FAM204A: variants seen among roughly 807,000 people sequenced by gnomAD.
FAM204A encodes the protein family with sequence similarity 204 member A, also known as protein FAM204A.
Under a neutral mutation model 35.4 loss-of-function variants are expected in FAM204A, and 16 were observed. The observed-to-expected ratio is 0.45, with a 90% confidence interval of 0.31 to 0.69. The LOEUF (loss-of-function observed/expected upper bound fraction) is 0.69. Ranked by LOEUF, FAM204A falls within the 30% of genes least tolerant of loss-of-function variation. The pLI is 0.07. For synonymous variants in FAM204A, 76 were observed against 86.9 expected (o/e 0.88, Z 0.70); for missense variants, 240 against 265.7 (o/e 0.90, Z 0.67).
rs1845769093 is a variant in FAM204A, at chr10:118,298,136, T to TGA, written c.*12719_*12720dup. On this transcript the variant is annotated 3_prime_UTR_variant, in exon 9 of 9. Transcript: ENST00000369183. ...CCTTTATCTTAAATGTGTGTGGGAG[T>TGA]GAGAGAGCTAACGTTACGTGTGGCT... The TGA allele has an allele frequency of 6.6e-6, 1 of 152,034 alleles. No individual in the cohort carries two copies. Among genetic ancestry groups the TGA allele is most frequent in the Non-Finnish European group, 1.5e-5 (1 of 68,040 alleles). 9.4% of individuals were successfully genotyped at this position (152,034 alleles called of 1,614,324 possible).
chr10:118,336,273 T>C lies in FAM204A; in HGVS notation c.143A>G (p.Asp48Gly). Reference sequence around the variant, plus strand: ...AGTTTTTGGTTCATCTGTTGAGAAATCTATGATTTCTGTTTTTCTGATGCT... The same window carrying C: ...AGTTTTTGGTTCATCTGTTGAGAAACCTATGATTTCTGTTTTTCTGATGCT... ...DESIRKTEII[D>G]FSTDEPKTET... Residue 48 changes from aspartate (D) to glycine (G), a missense_variant, in exon 3 of 9, where the codon GAT (aspartate) becomes GGT (glycine). Physicochemically the swap from Asp to Gly is moderately conservative, Grantham distance 94. This residue lies in a region of FAM204A where 232 missense variants were observed against 242.8 expected (regional missense o/e 0.96). Coordinates refer to ENST00000369183, the MANE Select transcript of FAM204A (RefSeq NM_022063.3). The C allele has an allele frequency of 6.2e-7, 1 of 1,614,002 alleles. No individual in the cohort carries two copies. Among genetic ancestry groups the C allele is most frequent in the African/African-American group, 1.3e-5 (1 of 75,034 alleles).
rs746007757 is a variant in FAM204A at position 118,335,576 on chromosome 10, T to A, written c.300A>T (p.Lys100Asn). The A allele has an allele frequency of 1.9e-6, 3 of 1,611,838 alleles. No individual in the cohort carries two copies. Among genetic ancestry groups the A allele is most frequent in the Non-Finnish European group, 1.7e-6 (2 of 1,179,466 alleles). Residue 100 changes from lysine (K) to asparagine (N), a missense_variant, in exon 4 of 9, where the codon AAA (lysine) becomes AAT (asparagine). Physicochemically the swap from Lys to Asn is moderately conservative, Grantham distance 94. Coordinates refer to ENST00000369183, the MANE Select transcript of FAM204A (RefSeq NM_022063.3). ...QKSTTSRFRG[K>N]RRKRSRKDKL... Reference sequence around the variant, plus strand: ...CACCTTTTCTGGAGCGTTTTCTTCTTTTCCCTCTGAATCTTGAGGTTGTGC... The same window carrying A: ...CACCTTTTCTGGAGCGTTTTCTTCTATTCCCTCTGAATCTTGAGGTTGTGC...
intron 7 of FAM204A, among the ~76,000 whole-genome samples, chr10:118,313,522 C>G (rs1475276162): frequency 6.6e-6 from 1 of 152,168 alleles, no homozygotes; most frequent in Non-Finnish European, 1.5e-5. Flanking sequence ...ACCTAATAAA[C>G]TCTCTTCTGC....
intron 6 of FAM204A, among the ~76,000 whole-genome samples, chr10:118,326,597 A>G (rs1163218907): frequency 1.3e-5 from 2 of 152,232 alleles, no homozygotes; most frequent in African/African-American, 4.8e-5. Flanking sequence ...ACTGTAAAAA[A>G]GCTCATTTAA....
chr10:118,307,929 C>A lies in FAM204A; in HGVS notation c.*2928G>T, dbSNP rs1277836253. 6.6e-6 allele frequency: 1 copy of A among 152,172 alleles called. No individual in the cohort carries two copies. The highest frequency in any genetic ancestry group is 2.4e-5 in the African/African-American group (1 of 41,448). The allele number at this position is 152,172 out of a possible 1,614,324, so 9.4% of individuals were successfully genotyped here. Reference sequence around the variant, plus strand: ...TGAGATTTATGATCAGTTGCAGAAACCTGTTTACGTACTGATTTACAGTCT... The same window carrying A: ...TGAGATTTATGATCAGTTGCAGAAAACTGTTTACGTACTGATTTACAGTCT... On this transcript the variant is annotated 3_prime_UTR_variant, in exon 9 of 9. Transcript: ENST00000369183.
intron 7 of FAM204A, among the ~76,000 whole-genome samples, chr10:118,314,409 C>T (rs1027424467): frequency 5.9e-5 from 9 of 152,018 alleles, no homozygotes; most frequent in Non-Finnish European, 8.8e-5. Context: ...TTAAAATGAA[C>T]GTGTCTCACT....
intron 6 of FAM204A, among the ~76,000 whole-genome samples, chr10:118,333,542 C>A (rs893580152): frequency 6.6e-6 from 1 of 152,202 alleles, no homozygotes; most frequent in African/African-American, 2.4e-5. Context: ...AACCAACGAT[C>A]CCAAACCAAA....
rs1589715696 is a variant in FAM204A, at chr10:118,305,917, G to T, written c.*4940C>A. The T allele has an allele frequency of 6.6e-6, 1 of 152,264 alleles. No homozygotes were observed. The highest frequency in any genetic ancestry group is 1.9e-4 in the East Asian group (1 of 5,186). 9.4% of individuals were successfully genotyped at this position (152,264 alleles called of 1,614,324 possible). On this transcript the variant is annotated 3_prime_UTR_variant, in exon 9 of 9. Coordinates refer to ENST00000369183, the MANE Select transcript of FAM204A (RefSeq NM_022063.3). ...CAAATGAAAACACTTTTTATTGTGG[G>T]CAGTCATAATTGTATGCTATCCATC...
At chr10:118,334,444 C>G (rs1846347213) in intron 6 of FAM204A, among the ~76,000 whole-genome samples, 1 of 152,198 alleles carries the variant, frequency 6.6e-6, no homozygotes, top group South Asian at 2.1e-4. Flanking sequence ...CAGAACCATT[C>G]TGGTTCAATT....
chr10:118,299,650 G>A lies in FAM204A; in HGVS notation c.*11207C>T, dbSNP rs1405560030. ...CCCTCCTCGGCCTCCCAAAGTGCTA[G>A]GATTACAGGAGTCGGCGACCACACT... On this transcript the variant is annotated 3_prime_UTR_variant, in exon 9 of 9. Coordinates refer to ENST00000369183, the MANE Select transcript of FAM204A (RefSeq NM_022063.3). 1.3e-5 allele frequency: 2 copies of A among 152,138 alleles called. No homozygotes were observed. The highest frequency in any genetic ancestry group is 4.8e-5 in the African/African-American group (2 of 41,368). The allele number at this position is 152,138 out of a possible 1,614,324, so 9.4% of individuals were successfully genotyped here.
rs1845776362 is a variant in FAM204A, at chr10:118,298,737, T to C, written c.*12120A>G. On this transcript the variant is annotated 3_prime_UTR_variant, in exon 9 of 9. Coordinates refer to ENST00000369183, the MANE Select transcript of FAM204A (RefSeq NM_022063.3). ...GGAAACATGAGGACCAGTGATGAAA[T>C]GTCTGGGGAAGAGGTTTCAGTCAAC... 1 of 152,210 alleles carries C rather than the reference T, an allele frequency of 6.6e-6. No homozygotes were observed. Among genetic ancestry groups the C allele is most frequent in the African/African-American group, 2.4e-5 (1 of 41,446 alleles). The allele number at this position is 152,210 out of a possible 1,614,324, so 9.4% of individuals were successfully genotyped here. A position where few individuals can be genotyped will look rare whatever the true frequency, so the allele number is the denominator to read the frequency against.
In FAM204A at chr10:118,299,096, T is replaced by C. The variant is rs1845780182; in HGVS notation, c.*11761A>G. ...TCTGGGCCCACATCATTTTCTTGTCTTGGGCAGCAGATCATTCCTTTTTCA... is the reference window on the plus strand; with the variant it reads ...TCTGGGCCCACATCATTTTCTTGTCCTGGGCAGCAGATCATTCCTTTTTCA... On this transcript the variant is annotated 3_prime_UTR_variant, in exon 9 of 9. Transcript: ENST00000369183. 6.6e-6 allele frequency: 1 copy of C among 152,162 alleles called. No homozygotes were observed. Among genetic ancestry groups the C allele is most frequent in the Non-Finnish European group, 1.5e-5 (1 of 68,048 alleles). The allele number at this position is 152,162 out of a possible 1,614,324, so 9.4% of individuals were successfully genotyped here.
intron 7 of FAM204A, among the ~76,000 whole-genome samples, chr10:118,323,822 G>C (rs2133278529): frequency 2.0e-5 from 3 of 152,130 alleles, no homozygotes; most frequent in African/African-American, 7.2e-5. Flanking sequence ...ATACTTCCAA[G>C]CTGGATAAGA....
intron 6 of FAM204A, among the ~76,000 whole-genome samples, chr10:118,330,098 A>C (rs113082151): frequency 5.3e-4 from 80 of 152,300 alleles, no homozygotes; most frequent in African/African-American, 1.8e-3. Context: ...TTTTTACTGA[A>C]AATAGTTATT....
intron 7 of FAM204A, among the ~76,000 whole-genome samples, chr10:118,316,324 A>C (rs1846029612): frequency 6.6e-6 from 1 of 152,148 alleles, no homozygotes; most frequent in Non-Finnish European, 1.5e-5. Flanking sequence ...TGTTTCACTC[A>C]AACCACAATT....
chr10:118,335,694 G>A, intron 3 of FAM204A, 53 bp from the exon 4 acceptor site: 1 of 1,315,698 alleles, frequency 7.6e-7, no homozygotes, highest in Non-Finnish European at 1.1e-6. Context: ...AGAAAAACAT[G>A]CATTTAAAAA....
chr10:118,306,296 C>T lies in FAM204A; in HGVS notation c.*4561G>A, dbSNP rs1845864541. 1 of 152,268 alleles carries T rather than the reference C, an allele frequency of 6.6e-6. No individual in the cohort carries two copies. Among genetic ancestry groups the T allele is most frequent in the Admixed American group, 6.5e-5 (1 of 15,270 alleles). 9.4% of individuals were successfully genotyped at this position (152,268 alleles called of 1,614,324 possible). The stretch of plus-strand genomic sequence containing the variant: ...GCACGGGGGAAACCTGGCAGGGGAG[C>T]ACTTAGGAGCCGAGGTTTCTCTTGG... On this transcript the variant is annotated 3_prime_UTR_variant, in exon 9 of 9. Coordinates refer to ENST00000369183, the MANE Select transcript of FAM204A (RefSeq NM_022063.3).
chr10:118,312,744 C>T (rs560737125), intron 7 of FAM204A, among the ~76,000 whole-genome samples: 3 of 152,236 alleles, frequency 2.0e-5, no homozygotes, highest in African/African-American at 4.8e-5. Context: ...AACTCAAACC[C>T]GTATTTAGCA....
rs1845829750 is a variant in FAM204A at position 118,303,431 on chromosome 10, T to TC, written c.*7425dup. On this transcript the variant is annotated 3_prime_UTR_variant, in exon 9 of 9. Coordinates refer to ENST00000369183, the MANE Select transcript of FAM204A (RefSeq NM_022063.3). Reference sequence around the variant, plus strand: ...TTTAACTGGAAGGACCAGGTATGTATCCTCCACCCCTTCCATCCATCCCTC... The same window carrying TC: ...TTTAACTGGAAGGACCAGGTATGTATCCCTCCACCCCTTCCATCCATCCCTC... 6.6e-6 allele frequency: 1 copy of TC among 152,282 alleles called. No homozygotes were observed. Among genetic ancestry groups the TC allele is most frequent in the Admixed American group, 6.5e-5 (1 of 15,282 alleles). 9.4% of individuals were successfully genotyped at this position (152,282 alleles called of 1,614,324 possible).
Sources: allele counts gnomAD v4.1 joint callset (sites outside exome capture counted in the v4.1 genomes callset), GRCh38; gene constraint gnomAD v4.1.1; regional missense constraint gnomAD v4.1.1; transcripts MANE v1.5; gene names NCBI Gene and HGNC (gene_info 2026-07-23, HGNC 2026-07-21).